SUPT3H: variants seen among roughly 807,000 people sequenced by gnomAD.
SUPT3H encodes the protein transcription initiation protein SPT3 homolog.
SUPT3H carries 44 observed loss-of-function variants against 44.3 expected under a neutral mutation model. That is an observed-to-expected ratio of 0.99 (90% confidence interval 0.78 to 1.28). The LOEUF (loss-of-function observed/expected upper bound fraction) is 1.28. SUPT3H is among the 50% of genes most tolerant of loss of function. The probability of loss-of-function intolerance (pLI) is 0.00; values close to 1 mark genes in which losing one functional copy is unlikely to be tolerated. For missense variants in SUPT3H, 380 were observed against 387.1 expected (o/e 0.98, Z 0.15); for synonymous variants, 124 against 125.6 (o/e 0.99, Z 0.09).
In SUPT3H at chr6:45,058,767, C is replaced by T. The variant is rs191134540; in HGVS notation, c.187-38135G>A. Among the ~76,000 whole-genome samples, 616 of 152,226 alleles carry T rather than the reference C, an allele frequency of 4.0e-3. 2 individuals are homozygous for T. The highest frequency in any genetic ancestry group is 5.2e-3 in the Admixed American group (80 of 15,274). The stretch of plus-strand genomic sequence containing the variant: ...TTTAGCTCTAGCCAAACTCACTACG[C>T]ATTATTTACTAGTCTATGAAGTTGC... On this transcript the variant is annotated intron_variant, in intron 3 of 10. Transcript: ENST00000371459.
At chr6:45,287,598 G>A (rs1779533169) in intron 2 of SUPT3H, among the ~76,000 whole-genome samples, 1 of 152,140 alleles carries the variant, frequency 6.6e-6, no homozygotes, top group African/African-American at 2.4e-5. Context: ...CTGTTTGCCA[G>A]GGACTGGGAG....
intron 5 of SUPT3H, 103 bp from the exon 6 acceptor site, chr6:45,003,895 G>A: frequency 1.6e-6 from 2 of 1,249,440 alleles, no homozygotes; most frequent in East Asian, 2.7e-5. Context: ...TTCAGAATTG[G>A]GATTCTCTGA....
chr6:44,939,030 T>C (rs964246946), intron 9 of SUPT3H, among the ~76,000 whole-genome samples: 1 of 152,192 alleles, frequency 6.6e-6, no homozygotes, highest in Non-Finnish European at 1.5e-5. Context: ...TAATTTTACT[T>C]CTTCTTTTCC....
intron 10 of SUPT3H, among the ~76,000 whole-genome samples, chr6:44,930,604 T>C (rs558774658): frequency 6.8e-6 from 1 of 147,502 alleles, no homozygotes; most frequent in Non-Finnish European, 1.5e-5. Flanking sequence ...GCATATTCAC[T>C]CTTGTAGTGC....
At chr6:44,972,271 G>T (rs188333720) in intron 6 of SUPT3H, among the ~76,000 whole-genome samples, 116 of 152,122 alleles carry the variant, frequency 7.6e-4, no homozygotes, top group African/African-American at 2.6e-3. Context: ...CCAAAATGAA[G>T]GGGTTACAGG....
intron 2 of SUPT3H, among the ~76,000 whole-genome samples, chr6:45,341,436 A>C (rs1789754963): frequency 6.6e-6 from 1 of 152,222 alleles, no homozygotes; most frequent in South Asian, 2.1e-4. Flanking sequence ...TATTTTAATG[A>C]GCAAACTAAC....
intron 3 of SUPT3H, among the ~76,000 whole-genome samples, chr6:45,052,884 C>T (rs569260260): frequency 6.6e-6 from 1 of 151,826 alleles, no homozygotes; most frequent in African/African-American, 2.4e-5. Flanking sequence ...TCAGATAGAA[C>T]AGGCAATGCA....
intron 2 of SUPT3H, among the ~76,000 whole-genome samples, chr6:45,188,915 C>T (rs775282375): frequency 6.6e-6 from 1 of 151,906 alleles, no homozygotes; most frequent in African/African-American, 2.4e-5. Flanking sequence ...TATAATAAAC[C>T]TTTAAGGTGG....
intron 2 of SUPT3H, among the ~76,000 whole-genome samples, chr6:45,246,997 CAG>C (rs773551677): frequency 1.3e-5 from 2 of 151,972 alleles, no homozygotes; most frequent in African/African-American, 2.4e-5. Flanking sequence ...ATATTGAAAA[CAG>C]AGTAAAATCA....
chr6:45,377,607 G>A (rs1288764915), intron 1 of SUPT3H, among the ~76,000 whole-genome samples, 161 bp downstream of exon 1: 1 of 152,082 alleles, frequency 6.6e-6, no homozygotes, highest in Non-Finnish European at 1.5e-5. Context: ...TCAACACTCC[G>A]GCGTAGACCA....
chr6:45,213,596 C>T (rs1157858180), intron 2 of SUPT3H, among the ~76,000 whole-genome samples: 1 of 151,952 alleles, frequency 6.6e-6, no homozygotes, highest in African/African-American at 2.4e-5. Flanking sequence ...ATTCATAAAT[C>T]AATTAGGTAA....
intron 6 of SUPT3H, among the ~76,000 whole-genome samples, chr6:44,963,366 T>C (rs1241095614): frequency 6.6e-6 from 1 of 152,142 alleles, no homozygotes; most frequent in Non-Finnish European, 1.5e-5. Flanking sequence ...GACATGGGTC[T>C]GTAATCCCAG....
chr6:45,079,310 A>C (rs1443893033), intron 3 of SUPT3H, among the ~76,000 whole-genome samples: 2 of 152,032 alleles, frequency 1.3e-5, no homozygotes, highest in Non-Finnish European at 2.9e-5. Context: ...ACTCCACAAA[A>C]GGCCCAGAAT....
intron 2 of SUPT3H, chr6:45,321,837 AT>A: frequency 6.2e-7 from 1 of 1,603,768 alleles, no homozygotes; most frequent in Non-Finnish European, 8.5e-7. Context: ...TGTGATAACA[AT>A]AGGGAAAAAC....
In SUPT3H at chr6:45,207,671, G is replaced by A. The variant is rs566152042; in HGVS notation, c.102-101665C>T. 8.6e-5 allele frequency among the ~76,000 whole-genome samples: 13 copies of A among 151,974 alleles called. No homozygotes were observed. In the South Asian group the frequency reaches 1.3e-3, roughly 15 times the overall value. On this transcript the variant is annotated intron_variant, in intron 2 of 10. Coordinates refer to ENST00000371459, the MANE Select transcript of SUPT3H (RefSeq NM_003599.4). ...ACATTTTAAACTCTTCACTAGTTTC[G>A]CACCTGTTATAGTGATCTGTGATCA...
chr6:45,181,962 G>GA (rs1813327040), intron 2 of SUPT3H, among the ~76,000 whole-genome samples: 1 of 151,968 alleles, frequency 6.6e-6, no homozygotes. Flanking sequence ...TTTATGCTTT[G>GA]AAAATAAATA....
At chr6:45,169,662 T>C (rs1348179320) in intron 2 of SUPT3H, among the ~76,000 whole-genome samples, 1 of 152,144 alleles carries the variant, frequency 6.6e-6, no homozygotes, top group Non-Finnish European at 1.5e-5. Context: ...TCTGGAGAAA[T>C]TTGTGGAAAA....
intron 2 of SUPT3H, among the ~76,000 whole-genome samples, chr6:45,272,309 G>A (rs1776318469): frequency 6.6e-6 from 1 of 152,130 alleles, no homozygotes; most frequent in Non-Finnish European, 1.5e-5. Context: ...CAGGTTGTGG[G>A]AGGGACAAGT....
intron 2 of SUPT3H, among the ~76,000 whole-genome samples, chr6:45,282,491 G>T (rs1159397873): frequency 6.6e-6 from 1 of 152,040 alleles, no homozygotes; most frequent in Non-Finnish European, 1.5e-5. Context: ...TATCAGTGAT[G>T]GAAGATCAAA....
Sources: gnomAD v4.1 joint callset for allele counts (sites outside exome capture counted in the v4.1 genomes callset) on GRCh38, gnomAD v4.1.1 for gene constraint, MANE v1.5 for transcripts, NCBI Gene and HGNC (gene_info 2026-07-23, HGNC 2026-07-21) for gene names.